The following INPP5D variants were observed in gnomAD, a reference collection of about 807,000 sequenced individuals.
INPP5D encodes the protein inositol polyphosphate-5-phosphatase D.
In INPP5D, 33 loss-of-function variants were observed where a neutral mutation model predicts 122.9. The observed-to-expected ratio is 0.27, with a 90% CI of 0.20 to 0.36. INPP5D has a LOEUF of 0.36. Ranked by LOEUF, INPP5D falls within the 10% of genes least tolerant of loss-of-function variation. The probability of loss-of-function intolerance (pLI) is 1.00; values close to 1 mark genes in which losing one functional copy is unlikely to be tolerated. For missense variants in INPP5D, 1,053 were observed against 1,412.7 expected (o/e 0.75, Z 4.08); for synonymous variants, 584 against 576.2 (o/e 1.01, Z -0.19).
intron 13 of INPP5D, among the ~76,000 whole-genome samples, chr2:233,165,627 C>G (rs1048441092): frequency 6.8e-6 from 1 of 146,540 alleles, no homozygotes; most frequent in African/African-American, 2.6e-5. Context: ...TGTACCACCC[C>G]GTATCTATGA....
rs576669620 is a variant in INPP5D at position 233,124,248 on chromosome 2, G to A, written c.350-1497G>A. Among the ~76,000 whole-genome samples the A allele has an allele frequency of 2.7e-4, 41 of 152,278 alleles. No individual in the cohort carries two copies. The South Asian group carries it at 8.5e-3, about 32-fold the overall frequency. On this transcript the variant is annotated intron_variant, in intron 3 of 26. Coordinates refer to ENST00000445964, the MANE Select transcript of INPP5D (RefSeq NM_001017915.3). ...AGGTCCCCCAGGCTCTCCCCGAAGAGAGGAGAGATTTGTCCACAGACGCTG... is the reference window on the plus strand; with the variant it reads ...AGGTCCCCCAGGCTCTCCCCGAAGAAAGGAGAGATTTGTCCACAGACGCTG...
At chr2:233,141,665 G>A (rs1693634178) in intron 6 of INPP5D, 1 of 152,258 alleles carries the variant, frequency 6.6e-6, no homozygotes, top group African/African-American at 2.4e-5. Context: ...ATTCTAAGGT[G>A]TGAACACTGC....
chr2:233,182,205 C>T (rs1694802010), intron 18 of INPP5D, among the ~76,000 whole-genome samples: 1 of 152,212 alleles, frequency 6.6e-6, no homozygotes. Context: ...TGAGCACAGG[C>T]TTCTTCTGTC....
chr2:233,102,739 A>C (rs1692348976), intron 2 of INPP5D, among the ~76,000 whole-genome samples: 1 of 151,750 alleles, frequency 6.6e-6, no homozygotes, highest in South Asian at 2.1e-4. Flanking sequence ...AGTCCCAGCT[A>C]CTCGGGAGGC....
chr2:233,125,632 G>T (rs1344206649), intron 3 of INPP5D, 113 bp from the exon 4 acceptor site: 29 of 918,272 alleles, frequency 3.2e-5, no homozygotes, highest in Non-Finnish European at 4.1e-5. Context: ...ACACGGGGAC[G>T]CAGATGGAGA....
chr2:233,068,593 TAA>T (rs532505071), intron 1 of INPP5D, among the ~76,000 whole-genome samples: 2 of 148,200 alleles, frequency 1.3e-5, no homozygotes, highest in South Asian at 4.2e-4. Context: ...AGAATCCGTC[TAA>T]AAAAAAAAAT....
At chr2:233,204,958 G>A in intron 26 of INPP5D, 1 of 551,092 alleles carries the variant, frequency 1.8e-6, no homozygotes, top group East Asian at 3.5e-5. Context: ...ACCCTGCATT[G>A]CCTCTGCAGC....
chr2:233,153,077 C>CATGT (rs1341589261), intron 9 of INPP5D, among the ~76,000 whole-genome samples: 2 of 152,200 alleles, frequency 1.3e-5, no homozygotes, highest in Non-Finnish European at 2.9e-5. Context: ...TGATCGATAC[C>CATGT]ATGTAACAGG....
In INPP5D at chr2:233,206,283, T is replaced by G. The variant is rs948134722; in HGVS notation, c.3568-423T>G. 1.3e-5 allele frequency among the ~76,000 whole-genome samples: 2 copies of G among 151,676 alleles called. No homozygotes were observed. Among genetic ancestry groups the G allele is most frequent in the Non-Finnish European group, 2.9e-5 (2 of 67,928 alleles). The stretch of plus-strand genomic sequence containing the variant: ...CTATATAGAAATTATATATTTATAT[T>G]TATGTATTTACATTGATATCCATTA... On this transcript the variant is annotated intron_variant, in intron 26 of 26. Transcript: ENST00000445964. This position sits in a 1 kb window ranked among gnomAD's most constrained non-coding sequence, Gnocchi z 4.0.
At chr2:233,199,397 G>A (rs1275716199) in intron 25 of INPP5D, among the ~76,000 whole-genome samples, 1 of 145,318 alleles carries the variant, frequency 6.9e-6, no homozygotes, top group East Asian at 2.0e-4. Context: ...AATGCCAGGT[G>A]TGGTGGTGCA....
intron 1 of INPP5D, chr2:233,076,438 G>A (rs1691522064): frequency 6.6e-6 from 1 of 152,206 alleles, no homozygotes; most frequent in African/African-American, 2.4e-5. Context: ...GGGAGCAGAA[G>A]GATGGGGACT....
At chr2:233,104,050 GC>G (rs1559293190) in intron 2 of INPP5D, among the ~76,000 whole-genome samples, 2 of 123,574 alleles carry the variant, frequency 1.6e-5, no homozygotes, top group African/African-American at 6.5e-5. Context: ...TTGCTCTGTC[GC>G]CCAGGCTGGA....
At chr2:233,123,671 T>G (rs556577300) in intron 3 of INPP5D, among the ~76,000 whole-genome samples, 1 of 152,368 alleles carries the variant, frequency 6.6e-6, no homozygotes, top group East Asian at 1.9e-4. Context: ...CATATGTGTA[T>G]GTTCATTGCA....
In INPP5D at chr2:233,182,393, C is replaced by T. The variant is rs749758715; in HGVS notation, c.2072-17C>T. On this transcript the variant is annotated splice_polypyrimidine_tract_variant and intron_variant, in intron 18 of 26. Coordinates refer to ENST00000445964, the MANE Select transcript of INPP5D (RefSeq NM_001017915.3). ...GCTTCTCCTTCCCTGCTTAAAAATG[C>T]CTTCCCTCCCCTGCAGGCAGTACCA... is the stretch of plus-strand genomic sequence containing the variant. 5 of 1,612,898 alleles carry T rather than the reference C, an allele frequency of 3.1e-6. No homozygotes were observed. The highest frequency in any genetic ancestry group is 4.2e-6 in the Non-Finnish European group (5 of 1,179,264).
rs1695437103 is a variant in INPP5D at position 233,204,627 on chromosome 2, C to T, written c.3477C>T (p.Arg1159=). 3 of 1,580,422 alleles carry T rather than the reference C, an allele frequency of 1.9e-6. No individual in the cohort carries two copies. Among genetic ancestry groups the T allele is most frequent in the Non-Finnish European group, 2.6e-6 (3 of 1,164,892 alleles). Residue 1159 remains arginine (R), a synonymous_variant, in exon 26 of 27, where the codon CGC becomes CGT. Transcript: ENST00000445964. Reference sequence around the variant, plus strand: ...TGCACCTCCAGCACTCCAAGGGCCGCGACTACCGCGACAACACCGAGCTCC... The same window carrying T: ...TGCACCTCCAGCACTCCAAGGGCCGTGACTACCGCGACAACACCGAGCTCC... ...AVLHLQHSKG[R]DYRDNTELPH...
In INPP5D at chr2:233,204,723, C is replaced by G; in HGVS notation, c.3567+6C>G. 1 of 1,495,800 alleles carries G rather than the reference C, an allele frequency of 6.7e-7. No individual in the cohort carries two copies. The highest frequency in any genetic ancestry group is 1.3e-5 in the South Asian group (1 of 76,102). 92.7% of individuals were successfully genotyped at this position (1,495,800 alleles called of 1,614,324 possible). ...TAGGCAGGACTGCCATGCAGGTGCG[C>G]TGCGCCACACGTGGGTTCGTGTGCA... On this transcript the variant is annotated splice_donor_region_variant and intron_variant, in intron 26 of 26. Transcript: ENST00000445964.
Position 233,204,400 on chromosome 2 carries a change from C to G in INPP5D, c.3250C>G (p.Arg1084Gly). Residue 1084 changes from arginine (R) to glycine (G), a missense_variant, in exon 26 of 27, where the codon CGC becomes GGC. By Grantham distance (125) the Arg-to-Gly change is moderately radical. This residue lies in a region of INPP5D where 417 missense variants were observed against 425.8 expected (regional missense o/e 0.98). Coordinates refer to ENST00000445964, the MANE Select transcript of INPP5D (RefSeq NM_001017915.3). ...CAAGCAGGTGCCCGCGCCCCGGCTG[C>G]GCTCCTTCACGTGCTCATCCTCTGC... is the stretch of plus-strand genomic sequence containing the variant. ...PGKQVPAPRL[R>G]SFTCSSSAEG... 1 of 1,610,250 alleles carries G rather than the reference C, an allele frequency of 6.2e-7. No individual in the cohort carries two copies. The highest frequency in any genetic ancestry group is 1.1e-5 in the South Asian group (1 of 90,852).
At chr2:233,187,613 T>C (rs1427543237) in intron 21 of INPP5D, among the ~76,000 whole-genome samples, 1 of 152,222 alleles carries the variant, frequency 6.6e-6, no homozygotes, top group Non-Finnish European at 1.5e-5. Flanking sequence ...GGCTGATGCC[T>C]GAACTCCAGA....
At chr2:233,115,064 A>T (rs1373146349) in intron 2 of INPP5D, among the ~76,000 whole-genome samples, 1 of 151,904 alleles carries the variant, frequency 6.6e-6, no homozygotes, top group African/African-American at 2.4e-5. Flanking sequence ...ATGAGGTTTC[A>T]CCATGTTGGC....
Sources: gnomAD v4.1 joint callset for allele counts (sites outside exome capture counted in the v4.1 genomes callset) on GRCh38, gnomAD v4.1.1 for gene constraint, gnomAD v4.1.1 regional missense constraint, Gnocchi (gnomAD v3.1) non-coding constraint, MANE v1.5 for transcripts, NCBI Gene and HGNC (gene_info 2026-07-23, HGNC 2026-07-21) for gene names.